Variants in CORIN observed in about 807,000 individuals in gnomAD.
CORIN encodes the protein atrial natriuretic peptide-converting enzyme.
Under a neutral mutation model 125.3 loss-of-function variants are expected in CORIN, and 117 were observed. The ratio of observed to expected loss-of-function variants is 0.93; its 90% CI spans 0.80 to 1.09. The LOEUF is 1.09. Ranked by LOEUF, CORIN falls within the 50% of genes least tolerant of loss-of-function variation. The pLI is 0.00. For synonymous variants in CORIN, 450 were observed against 466.4 expected (o/e 0.96, Z 0.45); for missense variants, 1,253 against 1,306.7 (o/e 0.96, Z 0.63).
At chr4:47,633,102 A>G (rs2109585125) in intron 16 of CORIN, among the ~76,000 whole-genome samples, 2 of 152,182 alleles carry the variant, frequency 1.3e-5, no homozygotes, top group South Asian at 4.2e-4. Context: ...TTCTTTGACT[A>G]TGTGTTTGTC....
At chr4:47,645,780 G>T (rs1344960414) in intron 13 of CORIN, among the ~76,000 whole-genome samples, 1 of 152,040 alleles carries the variant, frequency 6.6e-6, no homozygotes, top group Non-Finnish European at 1.5e-5. Context: ...CAGCTACTTG[G>T]GAGGCTAAGG....
At position 47,677,793 on chromosome 4, in the gene CORIN, G is replaced by A. The variant is rs2109705635; in HGVS notation, c.1249+145C>T. 8.1e-6 allele frequency: 5 copies of A among 619,418 alleles called. No individual in the cohort carries two copies. The South Asian group carries it at 9.9e-5, about 12-fold the overall frequency. The allele number at this position is 619,418 out of a possible 1,614,324, so 38.4% of individuals were successfully genotyped here. ...TAGCACAAGAAAGTGTTTCCTGGCT[G>A]ACTAGGGCTGTGAGGACCACTATGT... On this transcript the variant is annotated intron_variant, in intron 9 of 21. Coordinates refer to ENST00000273857, the MANE Select transcript of CORIN (RefSeq NM_006587.4).
chr4:47,805,736 T>G (rs1022019405), intron 2 of CORIN, among the ~76,000 whole-genome samples: 18 of 152,224 alleles, frequency 1.2e-4, no homozygotes, highest in African/African-American at 3.9e-4. Flanking sequence ...TATCTATTAA[T>G]AGATATGAGC....
At chr4:47,605,739 C>T (rs1198045996) in intron 19 of CORIN, among the ~76,000 whole-genome samples, 3 of 152,144 alleles carry the variant, frequency 2.0e-5, no homozygotes, top group African/African-American at 7.2e-5. Context: ...TAAACAGAAG[C>T]TCATGGACTG....
chr4:47,676,491 T>A (rs1190596578), intron 9 of CORIN, among the ~76,000 whole-genome samples: 2 of 152,132 alleles, frequency 1.3e-5, no homozygotes, highest in Non-Finnish European at 1.5e-5. Flanking sequence ...ACCCTGAATT[T>A]CCCTTCTTAG....
chr4:47,674,286 C>T lies in CORIN; in HGVS notation c.1357+107G>A, dbSNP rs535340858. 5 of 792,758 alleles carry T rather than the reference C, an allele frequency of 6.3e-6. No individual in the cohort carries two copies. In the East Asian group the frequency reaches 1.3e-4, roughly 20 times the overall value. 49.1% of individuals were successfully genotyped at this position (792,758 alleles called of 1,614,324 possible). ...TAAAAAGAAAAAGAAAATAGGTAGG[C>T]TTTTTTGGAGGGATTCCAGACTTCA... On this transcript the variant is annotated intron_variant, in intron 10 of 21. Transcript: ENST00000273857.
intron 5 of CORIN, among the ~76,000 whole-genome samples, chr4:47,728,601 G>A (rs560711163): frequency 6.6e-6 from 1 of 152,148 alleles, no homozygotes; most frequent in African/African-American, 2.4e-5. Flanking sequence ...TAGACTCAGG[G>A]ATGTGCACTT....
intron 16 of CORIN, among the ~76,000 whole-genome samples, chr4:47,640,812 A>G (rs1203329820): frequency 6.6e-6 from 1 of 152,204 alleles, no homozygotes; most frequent in Admixed American, 6.5e-5. Context: ...TCAACCTTAT[A>G]CCAATAAGGT....
intron 19 of CORIN, among the ~76,000 whole-genome samples, chr4:47,604,886 C>G (rs967210888): frequency 4.6e-5 from 7 of 152,196 alleles, no homozygotes; most frequent in Admixed American, 4.6e-4. Flanking sequence ...CCATCTTCTG[C>G]TCACTATTCT....
Position 47,636,852 on chromosome 4 carries a change from G to A in CORIN, c.2198+5068C>T, listed in dbSNP as rs1261459138. ...TACAGTAAATTGGTACCAGCAGAGT[G>A]GGGTGCTGCTGTAGATACCCAAAAG... On this transcript the variant is annotated intron_variant, in intron 16 of 21. Transcript: ENST00000273857. Among the ~76,000 whole-genome samples the A allele has an allele frequency of 2.6e-5, 4 of 152,172 alleles. No individual in the cohort carries two copies. The East Asian group carries it at 7.7e-4, about 29-fold the overall frequency.
intron 5 of CORIN, among the ~76,000 whole-genome samples, chr4:47,699,340 C>T (rs1447941049): frequency 1.3e-5 from 2 of 152,194 alleles, no homozygotes; most frequent in African/African-American, 4.8e-5. Context: ...TCTTCTTAGA[C>T]ATCTATTAAA....
At chr4:47,746,023 G>T (rs1363770810) in intron 4 of CORIN, among the ~76,000 whole-genome samples, 28 of 152,152 alleles carry the variant, frequency 1.8e-4, no homozygotes, top group Admixed American at 1.8e-3. Context: ...GTATTTGAAA[G>T]AATTAGCTTC....
intron 5 of CORIN, among the ~76,000 whole-genome samples, chr4:47,738,576 A>T (rs1728238754): frequency 6.6e-6 from 1 of 152,212 alleles, no homozygotes; most frequent in African/African-American, 2.4e-5. Context: ...AACAGCAACT[A>T]ATGTTGGGGG....
Position 47,669,654 on chromosome 4 carries a change from T to C in CORIN, c.1358-4391A>G, listed in dbSNP as rs143793126. On this transcript the variant is annotated intron_variant, in intron 10 of 21. Coordinates refer to ENST00000273857, the MANE Select transcript of CORIN (RefSeq NM_006587.4). Reference sequence around the variant, plus strand: ...CACGATCTGGGCTCACTGCAAGCTCTGCCTCCTGGGTTCGCACCATTCTCC... The same window carrying C: ...CACGATCTGGGCTCACTGCAAGCTCCGCCTCCTGGGTTCGCACCATTCTCC... Among the ~76,000 whole-genome samples the C allele has an allele frequency of 4.9e-3, 742 of 151,754 alleles. 3 individuals carry two copies. Among genetic ancestry groups the C allele is most frequent in the African/African-American group, 0.017 (686 of 41,354 alleles).
At chr4:47,802,858 A>G (rs1731605026) in intron 2 of CORIN, among the ~76,000 whole-genome samples, 1 of 152,178 alleles carries the variant, frequency 6.6e-6, no homozygotes, top group Non-Finnish European at 1.5e-5. Context: ...TCCCAGTGGT[A>G]GTGGCCATGG....
At chr4:47,725,220 C>G (rs887965281) in intron 5 of CORIN, among the ~76,000 whole-genome samples, 1 of 151,950 alleles carries the variant, frequency 6.6e-6, no homozygotes, top group Non-Finnish European at 1.5e-5. Flanking sequence ...AGCTTTAATA[C>G]AAATCCAATC....
At chr4:47,773,311 G>A (rs2109891159) in intron 3 of CORIN, among the ~76,000 whole-genome samples, 1 of 152,300 alleles carries the variant, frequency 6.6e-6, no homozygotes, top group East Asian at 1.9e-4. Context: ...CTCACTAGTA[G>A]TTTGTTTTAA....
intron 3 of CORIN, among the ~76,000 whole-genome samples, chr4:47,770,241 G>A (rs1000460860): frequency 6.6e-6 from 1 of 151,890 alleles, no homozygotes; most frequent in African/African-American, 2.4e-5. Context: ...TGGCCAACAG[G>A]TATATGAAAA....
intron 5 of CORIN, among the ~76,000 whole-genome samples, chr4:47,719,688 A>T (rs1281382729): frequency 6.6e-6 from 1 of 151,948 alleles, no homozygotes; most frequent in Non-Finnish European, 1.5e-5. Flanking sequence ...ATCTGTAAAA[A>T]CCCTCTATTC....
Sources: allele counts gnomAD v4.1 joint callset (sites outside exome capture counted in the v4.1 genomes callset), GRCh38; gene constraint gnomAD v4.1.1; transcripts MANE v1.5; gene names NCBI Gene and HGNC (gene_info 2026-07-23, HGNC 2026-07-21).